The following ENTREP2 variants were observed in gnomAD, a reference collection of about 807,000 sequenced individuals.
ENTREP2 encodes the protein protein ENTREP2.
chr15:29,328,911 T>C, the ENTREP2 span, among the ~76,000 whole-genome samples: 4 of 152,330 alleles, frequency 2.6e-5, no homozygotes, highest in African/African-American at 9.6e-5. Context: ...TCCTCCCTTA[T>C]ATGTGTGGAA....
the ENTREP2 span, among the ~76,000 whole-genome samples, chr15:29,163,223 C>T: frequency 6.6e-6 from 1 of 152,158 alleles, no homozygotes; most frequent in South Asian, 2.1e-4. Flanking sequence ...AACCACAAAA[C>T]CAATGCTGGT....
the ENTREP2 span, among the ~76,000 whole-genome samples, chr15:29,434,938 G>A: frequency 2.0e-5 from 3 of 152,118 alleles, no homozygotes; most frequent in African/African-American, 7.2e-5. Flanking sequence ...TCTCAAAATG[G>A]GAGTTTGTGG....
chr15:29,448,491 A>C, the ENTREP2 span, among the ~76,000 whole-genome samples: 1 of 152,160 alleles, frequency 6.6e-6, no homozygotes, highest in African/African-American at 2.4e-5. Context: ...CCCTCACTGT[A>C]CTGTACCCTA....
chr15:29,467,104 C>T, the ENTREP2 span, among the ~76,000 whole-genome samples: 3 of 151,950 alleles, frequency 2.0e-5, no homozygotes, highest in Non-Finnish European at 4.4e-5. Context: ...GGGGAGGATG[C>T]TGCAGCCCCC....
At chr15:29,559,215 T>C in the ENTREP2 span, among the ~76,000 whole-genome samples, 1 of 152,046 alleles carries the variant, frequency 6.6e-6, no homozygotes, top group Non-Finnish European at 1.5e-5. Context: ...CCAGTTACAG[T>C]TTCACATACA....
the ENTREP2 span, among the ~76,000 whole-genome samples, chr15:29,220,324 G>T: frequency 2.6e-5 from 4 of 152,238 alleles, no homozygotes; most frequent in Non-Finnish European, 5.9e-5. Context: ...GGTCTGTTAT[G>T]ATTCTGTCCA....
the ENTREP2 span, among the ~76,000 whole-genome samples, chr15:29,607,815 GAT>G: frequency 7.1e-6 from 1 of 141,208 alleles, no homozygotes; most frequent in Admixed American, 6.8e-5. Context: ...TAGATAGATA[GAT>G]AGATAGATAG....
At chr15:29,223,072 A>G in the ENTREP2 span, among the ~76,000 whole-genome samples, 64 of 152,338 alleles carry the variant, frequency 4.2e-4, no homozygotes, top group African/African-American at 1.2e-3. Context: ...TTCAATGACA[A>G]GAACAAATCA....
chr15:29,663,863 T>A, the ENTREP2 span, among the ~76,000 whole-genome samples: 33,443 of 151,710 alleles, frequency 0.22, 6,493 homozygotes, highest in African/African-American at 0.53. Context: ...AAAGTATAAT[T>A]AAAAAAAATA....
chr15:29,123,457 T>A, the ENTREP2 span: 1 of 1,551,632 alleles, frequency 6.4e-7, no homozygotes, highest in Non-Finnish European at 8.7e-7. Context: ...GAGGGCACAG[T>A]GTGAGTGTTC....
the ENTREP2 span, among the ~76,000 whole-genome samples, chr15:29,455,031 G>C: frequency 6.6e-6 from 1 of 152,298 alleles, no homozygotes; most frequent in Middle Eastern, 3.4e-3. Context: ...AGCTCAGCTT[G>C]ACTGTGTGAT....
chr15:29,380,610 C>T, the ENTREP2 span, among the ~76,000 whole-genome samples: 11 of 152,132 alleles, frequency 7.2e-5, no homozygotes, highest in East Asian at 1.9e-3. Context: ...GGCATTTTTC[C>T]GAGGGAAAAA....
the ENTREP2 span, among the ~76,000 whole-genome samples, chr15:29,118,832 G>A: frequency 6.6e-6 from 1 of 152,136 alleles, no homozygotes; most frequent in Admixed American, 6.5e-5. Flanking sequence ...CACCGTTCTG[G>A]TGTCACCTGG....
chr15:29,404,475 C>T, the ENTREP2 span, among the ~76,000 whole-genome samples: 3,750 of 152,006 alleles, frequency 0.025, 132 homozygotes, highest in African/African-American at 0.086. Flanking sequence ...TCCCAGGAAC[C>T]CCCTTCAGCA....
chr15:29,391,540 GA>G, the ENTREP2 span, among the ~76,000 whole-genome samples: 1 of 152,106 alleles, frequency 6.6e-6, no homozygotes, highest in African/African-American at 2.4e-5. Flanking sequence ...AAAAGATACT[GA>G]AAGGTGAAAT....
At chr15:29,287,398 G>GA in the ENTREP2 span, among the ~76,000 whole-genome samples, 7 of 124,150 alleles carry the variant, frequency 5.6e-5, no homozygotes, top group African/African-American at 1.8e-4. Context: ...AAAAAAAAAA[G>GA]AAAAAAAAAA....
At chr15:29,329,021 T>C in the ENTREP2 span, among the ~76,000 whole-genome samples, 3 of 152,084 alleles carry the variant, frequency 2.0e-5, no homozygotes, top group Non-Finnish European at 4.4e-5. Flanking sequence ...TTTGATAAAA[T>C]TTATCATTAG....
At chr15:29,442,849 C>T in the ENTREP2 span, among the ~76,000 whole-genome samples, 3 of 152,168 alleles carry the variant, frequency 2.0e-5, no homozygotes, top group Non-Finnish European at 4.4e-5. Flanking sequence ...CTTTACCCTC[C>T]CCAATTAAAA....
the ENTREP2 span, among the ~76,000 whole-genome samples, chr15:29,398,632 G>A: frequency 1.3e-5 from 2 of 152,196 alleles, no homozygotes; most frequent in Non-Finnish European, 2.9e-5. Context: ...GCTGAGGCAG[G>A]AGAATCACTG....
Sources: gnomAD v4.1 joint callset for allele counts (sites outside exome capture counted in the v4.1 genomes callset) on GRCh38, gnomAD v4.1.1 for gene constraint, MANE v1.5 for transcripts, NCBI Gene and HGNC (gene_info 2026-07-23, HGNC 2026-07-21) for gene names.